Variants in CD302 observed in about 807,000 individuals in gnomAD.
CD302 encodes CD302 antigen.
CD302 carries 23 observed loss-of-function variants against 26.5 expected under a neutral mutation model. The observed-to-expected ratio is 0.87, with a 90% CI of 0.62 to 1.23. The LOEUF (loss-of-function observed/expected upper bound fraction) is 1.23. CD302 is among the 50% of genes most tolerant of loss of function. The pLI is 0.00. For missense variants in CD302, 290 were observed against 275.5 expected, an observed-to-expected ratio of 1.05 and a Z score of -0.37; for synonymous variants, 90 against 99.4, an observed-to-expected ratio of 0.91 and a Z score of 0.56.
intron 1 of CD302, among the ~76,000 whole-genome samples, chr2:159,785,339 A>G (rs1407053072): frequency 6.6e-6 from 1 of 152,088 alleles, no homozygotes; most frequent in Non-Finnish European, 1.5e-5. Context: ...TGAATTACAC[A>G]TATGACTACC....
chr2:159,790,751 G>A (rs1708785278), intron 1 of CD302, among the ~76,000 whole-genome samples: 1 of 151,988 alleles, frequency 6.6e-6, no homozygotes, highest in East Asian at 1.9e-4. Context: ...TAAATCATTG[G>A]CAATTATTGA....
chr2:159,796,798 ATTTTCT>A (rs1682436472), intron 1 of CD302, among the ~76,000 whole-genome samples: 1 of 152,140 alleles, frequency 6.6e-6, no homozygotes, highest in Admixed American at 6.5e-5. Flanking sequence ...CTAGAAACTG[ATTTTCT>A]TTAAAAGTCT....
chr2:159,780,014 T>G lies in CD302; in HGVS notation c.460A>C (p.Lys154Gln). ...CTTCGGTCATACTTACTAGCTGTTT[T>G]GCATAGTGTTCCTTCCACAGAAGAA... Reference protein sequence around the residue: ...EVSSVEGTLCKTAIPYKRKYL... With the variant: ...EVSSVEGTLCQTAIPYKRKYL... The change falls in exon 4 of 6, where the codon AAA (lysine) becomes CAA (glutamine). Residue 154 changes from lysine to glutamine, a missense_variant. Physicochemically the swap from Lys to Gln is moderately conservative, Grantham distance 53. Transcript: ENST00000259053. The G allele has an allele frequency of 6.2e-7, 1 of 1,613,582 alleles. No homozygotes were observed. The highest frequency in any genetic ancestry group is 8.5e-7 in the Non-Finnish European group (1 of 1,179,710).
At chr2:159,778,871 A>G (rs1042220726) in intron 4 of CD302, among the ~76,000 whole-genome samples, 1 of 152,170 alleles carries the variant, frequency 6.6e-6, no homozygotes, top group Admixed American at 6.5e-5. Flanking sequence ...TAGAATAACA[A>G]ACTGTGTAGT....
At position 159,782,414 on chromosome 2, in the gene CD302, CAAAA is replaced by C. The variant is rs72068957; in HGVS notation, c.178+941_178+944del. Among the ~76,000 whole-genome samples, 471 of 70,676 alleles carry C rather than the reference CAAAA, an allele frequency of 6.7e-3. 1 individual carries two copies. Among genetic ancestry groups the C allele is most frequent in the Admixed American group, 0.01 (52 of 5,198 alleles). The allele number at this position is 70,676 out of a possible 152,430, so 46.4% of individuals were successfully genotyped here. ...GGCGACAGAGCGAGACTCCATCTCA[CAAAA>C]AAAAAAAAAAAAAAAAAAAAAGACA... On this transcript the variant is annotated intron_variant, in intron 2 of 5. Transcript: ENST00000259053.
intron 1 of CD302, among the ~76,000 whole-genome samples, chr2:159,794,297 TAA>T (rs1248638638): frequency 3.3e-3 from 146 of 44,534 alleles, no homozygotes; most frequent in Admixed American, 5.4e-3. Flanking sequence ...TAAAATAAAA[TAA>T]AATAATAAAA....
intron 3 of CD302, 135 bp downstream of exon 3, chr2:159,780,747 A>C: frequency 2.6e-6 from 2 of 774,384 alleles, no homozygotes; most frequent in Middle Eastern, 2.3e-4. Flanking sequence ...GTATGATCAT[A>C]GGTGCACACT....
intron 5 of CD302, among the ~76,000 whole-genome samples, chr2:159,772,635 T>C (rs1708187538): frequency 6.6e-6 from 1 of 152,188 alleles, no homozygotes; most frequent in African/African-American, 2.4e-5. Context: ...GTTTAATAAA[T>C]TGAGGAAAAT....
intron 5 of CD302, among the ~76,000 whole-genome samples, chr2:159,776,355 A>AAT (rs1002202259): frequency 2.0e-5 from 3 of 152,174 alleles, no homozygotes; most frequent in African/African-American, 7.2e-5. Context: ...TAGATACACA[A>AAT]ATATCAAACA....
intron 5 of CD302, 80 bp from the exon 6 acceptor site, chr2:159,772,133 GT>G: frequency 1.4e-6 from 2 of 1,461,496 alleles, no homozygotes; most frequent in Non-Finnish European, 1.9e-6. Context: ...CACAACTGTA[GT>G]TTTGTGTAAA....
chr2:159,791,488 T>C (rs1468285943), intron 1 of CD302, among the ~76,000 whole-genome samples: 1 of 152,232 alleles, frequency 6.6e-6, no homozygotes, highest in Non-Finnish European at 1.5e-5. Context: ...CCTATACATG[T>C]TTACATAGCA....
intron 4 of CD302, among the ~76,000 whole-genome samples, chr2:159,779,419 G>T (rs1045140828): frequency 6.6e-6 from 1 of 151,950 alleles, no homozygotes; most frequent in Admixed American, 6.6e-5. Flanking sequence ...CACCACTTCT[G>T]CTCACTCAAA....
intron 5 of CD302, among the ~76,000 whole-genome samples, chr2:159,773,340 A>G (rs772753630): frequency 3.9e-5 from 6 of 152,224 alleles, no homozygotes; most frequent in African/African-American, 1.4e-4. Flanking sequence ...TAGAATTAAC[A>G]TAGTCCATTT....
intron 1 of CD302, among the ~76,000 whole-genome samples, chr2:159,792,734 C>CA (rs1015906869): frequency 2.2e-4 from 34 of 151,260 alleles, no homozygotes; most frequent in Admixed American, 3.3e-4. Flanking sequence ...GTGACAAGAC[C>CA]AAAAAAAAAT....
intron 1 of CD302, among the ~76,000 whole-genome samples, chr2:159,790,944 T>G (rs190992536): frequency 6.6e-6 from 1 of 152,232 alleles, no homozygotes; most frequent in Non-Finnish European, 1.5e-5. Flanking sequence ...CAAGCACTTA[T>G]AGTTCTTTTT....
chr2:159,786,769 G>T (rs1708677520), intron 1 of CD302, among the ~76,000 whole-genome samples: 2 of 152,070 alleles, frequency 1.3e-5, no homozygotes, highest in Admixed American at 1.3e-4. Flanking sequence ...AAATATACAG[G>T]TTGGTGAATT....
At chr2:159,791,902 G>A (rs1291657428) in intron 1 of CD302, among the ~76,000 whole-genome samples, 5 of 152,194 alleles carry the variant, frequency 3.3e-5, no homozygotes, top group Non-Finnish European at 7.3e-5. Context: ...TCTAGTTGAC[G>A]CAGTTATGCA....
rs1305922919 is a variant in CD302 at position 159,780,904 on chromosome 2, T to TA, written c.272dup (p.Gly92ArgfsTer5). 6.2e-7 allele frequency: 1 copy of TA among 1,613,336 alleles called. No individual in the cohort carries two copies. The highest frequency in any genetic ancestry group is 8.5e-7 in the Non-Finnish European group (1 of 1,179,856). The stretch of plus-strand genomic sequence containing the variant: ...TACCATCTGTGTCATAAAACATGCC[T>TA]AGTAGGATATCATCTGGGCCTTTCC... On this transcript the variant is annotated frameshift_variant, in exon 3 of 6. Coordinates refer to ENST00000259053, the MANE Select transcript of CD302 (RefSeq NM_014880.5). LOFTEE classifies it high-confidence loss of function.
intron 5 of CD302, among the ~76,000 whole-genome samples, chr2:159,775,891 CTTTT>C (rs70997201): frequency 4.1e-5 from 6 of 146,450 alleles, no homozygotes; most frequent in African/African-American, 1.5e-4. Flanking sequence ...GCTTATTTTT[CTTTT>C]TTTTTTGTGG....
Sources: allele counts gnomAD v4.1 joint callset (sites outside exome capture counted in the v4.1 genomes callset), GRCh38; gene constraint gnomAD v4.1.1; transcripts MANE v1.5; gene names NCBI Gene and HGNC (gene_info 2026-07-23, HGNC 2026-07-21).